Variants in PITPNM3 observed in about 807,000 individuals in gnomAD.
PITPNM3 encodes PITPNM family member 3.
In PITPNM3, 26 loss-of-function variants were observed where a neutral mutation model predicts 102.0. The ratio of observed to expected loss-of-function variants is 0.25; its 90% CI spans 0.19 to 0.35. PITPNM3 has a LOEUF of 0.35. Ranked by LOEUF, PITPNM3 falls within the 10% of genes least tolerant of loss-of-function variation. PITPNM3 has a pLI of 1.00. For missense variants in PITPNM3, 1,083 were observed against 1,346.1 expected, an observed-to-expected ratio of 0.80 and a Z score of 3.06; for synonymous variants, 578 against 558.6, an observed-to-expected ratio of 1.03 and a Z score of -0.49.
At chr17:6,464,389 G>C in intron 15 of PITPNM3, 71 bp from the exon 16 acceptor site, 2 of 1,528,816 alleles carry the variant, frequency 1.3e-6, no homozygotes, top group Non-Finnish European at 9.0e-7. Context: ...GGGGCTGGGC[G>C]GGGGAACTCT....
At chr17:6,529,210 T>C (rs1322295745) in intron 2 of PITPNM3, among the ~76,000 whole-genome samples, 1 of 152,160 alleles carries the variant, frequency 6.6e-6, no homozygotes, top group African/African-American at 2.4e-5. Flanking sequence ...ACTCTACTCC[T>C]GTAAGCACAA....
At chr17:6,477,857 C>T (rs1905403443) in intron 8 of PITPNM3, 118 bp downstream of exon 8, 7 of 1,548,336 alleles carry the variant, frequency 4.5e-6, no homozygotes, top group South Asian at 3.4e-5. Flanking sequence ...GATTATGATA[C>T]ACTTCTTTGT....
chr17:6,496,844 A>G (rs1248997148), intron 4 of PITPNM3, among the ~76,000 whole-genome samples: 1 of 152,186 alleles, frequency 6.6e-6, no homozygotes, highest in African/African-American at 2.4e-5. Context: ...ATAGACTTGT[A>G]TATGCGCACA....
chr17:6,513,567 A>C (rs1907990196), intron 3 of PITPNM3, among the ~76,000 whole-genome samples: 1 of 152,254 alleles, frequency 6.6e-6, no homozygotes, highest in African/African-American at 2.4e-5. Flanking sequence ...AAAAAGACTA[A>C]AATACTTAGG....
chr17:6,526,040 A>G (rs1293912243), intron 2 of PITPNM3, among the ~76,000 whole-genome samples: 4 of 152,190 alleles, frequency 2.6e-5, no homozygotes, highest in Non-Finnish European at 4.4e-5. Context: ...GCTCTGGAGT[A>G]ACTGGAGGAG....
rs1914187046 is a variant in PITPNM3, at chr17:6,458,172, C to G, written c.2491-450G>C. The stretch of plus-strand genomic sequence containing the variant: ...TCACTGGCTGGTGTGATGACCGCCC[C>G]CCTCCCCAACCCCAGAATCCCCAAT... On this transcript the variant is annotated intron_variant, in intron 18 of 19. Transcript: ENST00000262483. The surrounding 1 kb of genome is among the most constrained non-coding windows in gnomAD (Gnocchi z 5.1). Among the ~76,000 whole-genome samples, 1 of 152,042 alleles carries G rather than the reference C, an allele frequency of 6.6e-6. No individual in the cohort carries two copies. The highest frequency in any genetic ancestry group is 1.5e-5 in the Non-Finnish European group (1 of 68,000).
chr17:6,455,228 G>A lies in PITPNM3; in HGVS notation c.*110C>T. 7.4e-7 allele frequency: 1 copy of A among 1,348,074 alleles called. No individual in the cohort carries two copies. The highest frequency in any genetic ancestry group is 9.9e-7 in the Non-Finnish European group (1 of 1,009,090). 83.5% of individuals were successfully genotyped at this position (1,348,074 alleles called of 1,614,324 possible). On this transcript the variant is annotated 3_prime_UTR_variant, in exon 20 of 20. Transcript: ENST00000262483. ...GGTCGGACACTGCTGGACAGACACG[G>A]GAGGGAAAAAGCAGGAAAACGCCTG... is the stretch of plus-strand genomic sequence containing the variant.
intron 15 of PITPNM3, 45 bp from the exon 16 acceptor site, chr17:6,464,363 C>T (rs1904654463): frequency 3.7e-6 from 6 of 1,605,694 alleles, no homozygotes; most frequent in Non-Finnish European, 5.1e-6. Flanking sequence ...GGCTGAGGGG[C>T]TACAGGCTTG....
rs771206541 is a variant in PITPNM3 at position 6,455,596 on chromosome 17, G to A, written c.2667C>T (p.Ser889=). 11 of 1,593,940 alleles carry A rather than the reference G, an allele frequency of 6.9e-6. No individual in the cohort carries two copies. The highest frequency in any genetic ancestry group is 1.4e-5 in the African/African-American group (1 of 72,268). The change falls in exon 20 of 20, where the codon AGC becomes AGT. Residue 889 remains serine, a synonymous_variant. Coordinates refer to ENST00000262483, the MANE Select transcript of PITPNM3 (RefSeq NM_031220.4). Reference sequence around the variant, plus strand: ...TGTTCTTCTTTGGGCGTGAGCGGTGGCTGGCCTCCAGCGCGGCCAGGTGTG... The same window carrying A: ...TGTTCTTCTTTGGGCGTGAGCGGTGACTGGCCTCCAGCGCGGCCAGGTGTG... ...YAAHLAALEA[S]HRSRPKKNNS...
At chr17:6,518,464 A>AC (rs1185079657) in intron 3 of PITPNM3, among the ~76,000 whole-genome samples, 1 of 151,564 alleles carries the variant, frequency 6.6e-6, no homozygotes, top group Non-Finnish European at 1.5e-5. Flanking sequence ...AAAAAAAAAA[A>AC]GGTAACCTTG....
At chr17:6,515,087 CT>C (rs1908078806) in intron 3 of PITPNM3, among the ~76,000 whole-genome samples, 1 of 152,036 alleles carries the variant, frequency 6.6e-6, no homozygotes, top group South Asian at 2.1e-4. Flanking sequence ...TATGGGGTTT[CT>C]TTTTTCAGAA....
At position 6,453,002 on chromosome 17, in the gene PITPNM3, T is replaced by TCCTGTCTTTCTTTCTCCC. The variant is rs1555550041; in HGVS notation, c.*2335_*2336insGGGAGAAAGAAAGACAGG. The TCCTGTCTTTCTTTCTCCC allele has an allele frequency of 1.7e-5, 2 of 118,784 alleles. No homozygotes were observed. Among genetic ancestry groups the TCCTGTCTTTCTTTCTCCC allele is most frequent in the African/African-American group, 6.4e-5 (2 of 31,396 alleles). The allele number at this position is 118,784 out of a possible 1,614,324, so 7.4% of individuals were successfully genotyped here. Reference sequence around the variant, plus strand: ...CCTCTCTCTCTCTCTCTGTCTTCCTTTCTCTCTCTCTCTCTCTCTCTGCCT... The same window carrying TCCTGTCTTTCTTTCTCCC: ...CCTCTCTCTCTCTCTCTGTCTTCCTTCCTGTCTTTCTTTCTCCCTCTCTCTCTCTCTCTCTCTCTGCCT... On this transcript the variant is annotated 3_prime_UTR_variant, in exon 20 of 20. Transcript: ENST00000262483.
At chr17:6,474,317 A>T in intron 10 of PITPNM3, 115 bp downstream of exon 10, 1 of 1,396,190 alleles carries the variant, frequency 7.2e-7, no homozygotes, top group South Asian at 1.2e-5. Context: ...ACCTATCCCA[A>T]CTCTGTGACC....
intron 16 of PITPNM3, 54 bp from the exon 17 acceptor site, chr17:6,463,935 G>A: frequency 6.2e-7 from 1 of 1,605,114 alleles, no homozygotes; most frequent in South Asian, 1.1e-5. Context: ...ACGTTAGCCG[G>A]AATCCAGAGG....
chr17:6,522,794 C>T (rs892289360), intron 3 of PITPNM3, among the ~76,000 whole-genome samples: 2 of 152,132 alleles, frequency 1.3e-5, no homozygotes, highest in Non-Finnish European at 2.9e-5. Context: ...TTCCCAGAGC[C>T]TCTCAGAGCC....
In PITPNM3 at chr17:6,457,565, T is replaced by C. The variant is rs1567657640; in HGVS notation, c.2619+29A>G. 6.2e-7 allele frequency: 1 copy of C among 1,611,140 alleles called. No homozygotes were observed. The highest frequency in any genetic ancestry group is 8.5e-7 in the Non-Finnish European group (1 of 1,178,776). ...CCCTTTCCCTGACCTCCCTCACAAC[T>C]CCCCGCCTCCAGCCCCGCCTCCACC... On this transcript the variant is annotated intron_variant, in intron 19 of 19. Coordinates refer to ENST00000262483, the MANE Select transcript of PITPNM3 (RefSeq NM_031220.4). The surrounding 1 kb of genome is among the most constrained non-coding windows in gnomAD (Gnocchi z 4.7).
chr17:6,463,417 G>GGGAGGGAGGCAGGGAAGGAA (rs1904576882), intron 17 of PITPNM3, among the ~76,000 whole-genome samples: 1 of 58,722 alleles, frequency 1.7e-5, no homozygotes, highest in Non-Finnish European at 4.0e-5. Flanking sequence ...CACGAGTGCA[G>GGGAGGGAGGCAGGGAAGGAA]GGAGGGAGGC....
At chr17:6,554,924 G>C (rs564194941) in intron 1 of PITPNM3, among the ~76,000 whole-genome samples, 3 of 152,314 alleles carry the variant, frequency 2.0e-5, no homozygotes, top group Admixed American at 2.0e-4. Context: ...CTGCCGTTGC[G>C]ATGACAGTGC....
chr17:6,528,190 T>C (rs1023633522), intron 2 of PITPNM3, among the ~76,000 whole-genome samples: 5 of 152,170 alleles, frequency 3.3e-5, no homozygotes, highest in Non-Finnish European at 2.9e-5. Flanking sequence ...AGCTCTCCCA[T>C]GCTGCCTGCC....
Sources: allele counts gnomAD v4.1 joint callset (sites outside exome capture counted in the v4.1 genomes callset), GRCh38; gene constraint gnomAD v4.1.1; non-coding constraint Gnocchi (gnomAD v3.1); transcripts MANE v1.5; gene names NCBI Gene and HGNC (gene_info 2026-07-23, HGNC 2026-07-21).